GALNT10: variants seen among roughly 807,000 people sequenced by gnomAD.
The protein encoded by GALNT10 is GalNAc transferase 10.
In GALNT10, 41 loss-of-function variants were observed where a neutral mutation model predicts 75.0. The ratio of observed to expected loss-of-function variants is 0.55; its 90% CI spans 0.43 to 0.71. The LOEUF (loss-of-function observed/expected upper bound fraction) is 0.71. GALNT10 is among the 30% of genes least tolerant of loss of function. GALNT10 has a pLI of 0.00. For missense variants in GALNT10, 727 were observed against 818.5 expected (o/e 0.89, Z 1.36); for synonymous variants, 302 against 313.0 (o/e 0.96, Z 0.37).
chr5:154,355,023 G>A (rs1352692416), intron 4 of GALNT10, among the ~76,000 whole-genome samples: 1 of 152,184 alleles, frequency 6.6e-6, no homozygotes, highest in African/African-American at 2.4e-5. Context: ...TTTGTGCATC[G>A]TACTGAATTA....
intron 2 of GALNT10, among the ~76,000 whole-genome samples, chr5:154,295,202 A>G (rs1274894290): frequency 1.3e-5 from 2 of 152,156 alleles, no homozygotes; most frequent in Non-Finnish European, 2.9e-5. Flanking sequence ...TGTCTCCCTC[A>G]TAAAGGATAT....
At chr5:154,247,287 A>G (rs2113671963) in intron 1 of GALNT10, among the ~76,000 whole-genome samples, 1 of 152,322 alleles carries the variant, frequency 6.6e-6, no homozygotes, top group East Asian at 1.9e-4. Context: ...TGACTTGGCA[A>G]TGCGGGCTCT....
At chr5:154,259,113 CT>C (rs1424211848) in intron 1 of GALNT10, among the ~76,000 whole-genome samples, 1 of 151,722 alleles carries the variant, frequency 6.6e-6, no homozygotes, top group Non-Finnish European at 1.5e-5. Flanking sequence ...CCATTGATGC[CT>C]TTTTTATTTC....
rs796716906 is a variant in GALNT10 at position 154,211,428 on chromosome 5, C to T, written c.159+20403C>T. ...GTCTCAGGTCTTCCATCTGATTTCT[C>T]TTTTGTCTTAACAATAGAGAAAATC... On this transcript the variant is annotated intron_variant, in intron 1 of 11. Coordinates refer to ENST00000297107, the MANE Select transcript of GALNT10 (RefSeq NM_198321.4). Among the ~76,000 whole-genome samples the T allele has an allele frequency of 3.9e-5, 6 of 152,306 alleles. 1 individual carries two copies. Among genetic ancestry groups the T allele is most frequent in the African/African-American group, 1.4e-4 (6 of 41,578 alleles).
chr5:154,406,364 G>C (rs1756281227), intron 8 of GALNT10: 2 of 152,236 alleles, frequency 1.3e-5, no homozygotes, highest in South Asian at 4.1e-4. Flanking sequence ...GTGCCTCATG[G>C]CTTCTTCCCC....
chr5:154,244,050 C>A (rs1351393099), intron 1 of GALNT10, among the ~76,000 whole-genome samples: 3 of 152,328 alleles, frequency 2.0e-5, no homozygotes, highest in Middle Eastern at 3.4e-3. Context: ...GAACCAGAAC[C>A]AGAGCCCAGG....
intron 7 of GALNT10, among the ~76,000 whole-genome samples, chr5:154,396,586 C>G (rs1756023355): frequency 6.6e-6 from 1 of 152,194 alleles, no homozygotes. Flanking sequence ...CATTTATGCA[C>G]TGGGCAACCC....
Sources: gnomAD v4.1 joint callset for allele counts (sites outside exome capture counted in the v4.1 genomes callset) on GRCh38, gnomAD v4.1.1 for gene constraint, MANE v1.5 for transcripts, NCBI Gene and HGNC (gene_info 2026-07-23, HGNC 2026-07-21) for gene names.